MORC1: variants seen among roughly 807,000 people sequenced by gnomAD.
MORC1 encodes MORC family CW-type zinc finger 1, also known as MORC family CW-type zinc finger protein 1.
MORC1 carries 59 observed loss-of-function variants against 134.9 expected under a neutral mutation model. That is an observed-to-expected ratio of 0.44 (90% CI 0.35 to 0.54). The LOEUF is 0.54. Among genes scored for constraint, MORC1 ranks in the 20% least tolerant of loss-of-function variants. The pLI, the probability that MORC1 is intolerant of heterozygous loss-of-function variation, is 0.00. For missense variants in MORC1, 947 were observed against 1,134.5 expected (o/e 0.83, Z 2.37); for synonymous variants, 395 against 391.7 (o/e 1.01, Z -0.10).
chr3:109,038,414 T>C (rs945232753), intron 14 of MORC1, among the ~76,000 whole-genome samples: 2 of 152,198 alleles, frequency 1.3e-5, no homozygotes, highest in African/African-American at 4.8e-5. Flanking sequence ...GGTAGTTTCT[T>C]TTGCTGTGCT....
chr3:109,094,403 T>C (rs1950789105), intron 7 of MORC1, among the ~76,000 whole-genome samples: 1 of 152,156 alleles, frequency 6.6e-6, no homozygotes, highest in Non-Finnish European at 1.5e-5. Flanking sequence ...ACTGTGCCAG[T>C]AGACACAGTG....
chr3:108,981,739 A>G (rs775368359), intron 23 of MORC1, among the ~76,000 whole-genome samples: 1 of 152,214 alleles, frequency 6.6e-6, no homozygotes, highest in Non-Finnish European at 1.5e-5. Context: ...TGTTATGATC[A>G]TCTTTATCAT....
At chr3:109,027,360 C>T (rs987251310) in intron 17 of MORC1, among the ~76,000 whole-genome samples, 2 of 152,030 alleles carry the variant, frequency 1.3e-5, no homozygotes, top group African/African-American at 4.8e-5. Flanking sequence ...AACTCTTTAC[C>T]TTAAAACCCT....
rs933937110 is a variant in MORC1, at chr3:109,008,877, C to T, written c.1705-1786G>A. On this transcript the variant is annotated intron_variant, in intron 17 of 27. Coordinates refer to ENST00000232603, the MANE Select transcript of MORC1 (RefSeq NM_014429.4). ...GTTTACCTTAGTACTAAGAAGTATG[C>T]TAAAATCAAATAAATGACACCTCTT... is the stretch of plus-strand genomic sequence containing the variant. Among the ~76,000 whole-genome samples, 4 of 152,162 alleles carry T rather than the reference C, an allele frequency of 2.6e-5. No individual in the cohort carries two copies. In the South Asian group the frequency reaches 8.3e-4, roughly 32 times the overall value.
intron 24 of MORC1, among the ~76,000 whole-genome samples, chr3:108,977,639 G>A (rs970394049): frequency 3.9e-5 from 6 of 152,172 alleles, no homozygotes; most frequent in African/African-American, 1.2e-4. Flanking sequence ...ACAGGCACAT[G>A]CATATAAAAT....
chr3:109,051,400 T>C (rs1949824843), intron 14 of MORC1, among the ~76,000 whole-genome samples: 1 of 152,212 alleles, frequency 6.6e-6, no homozygotes, highest in Non-Finnish European at 1.5e-5. Context: ...TAGTCAAATA[T>C]TATATAACTT....
intron 9 of MORC1, among the ~76,000 whole-genome samples, chr3:109,068,943 G>T (rs144055253): frequency 6.6e-6 from 1 of 152,328 alleles, no homozygotes; most frequent in African/African-American, 2.4e-5. Flanking sequence ...ATCAGTTGAG[G>T]TCAGGAGTTT....
intron 8 of MORC1, among the ~76,000 whole-genome samples, chr3:109,088,191 A>C (rs1195971967): frequency 6.6e-6 from 1 of 152,180 alleles, no homozygotes; most frequent in Non-Finnish European, 1.5e-5. Context: ...CAAGATACCA[A>C]AAGCTATTAC....
At chr3:108,959,504 T>C (rs1947023093) in intron 27 of MORC1, among the ~76,000 whole-genome samples, 1 of 152,182 alleles carries the variant, frequency 6.6e-6, no homozygotes, top group Admixed American at 6.5e-5. Flanking sequence ...AGCCAAATTT[T>C]GTCTTCTTTG....
intron 21 of MORC1, among the ~76,000 whole-genome samples, chr3:108,987,762 C>T (rs985401862): frequency 1.3e-5 from 2 of 151,678 alleles, no homozygotes; most frequent in African/African-American, 4.8e-5. Flanking sequence ...TGGGAATATA[C>T]CTTAGATGAG....
chr3:109,055,752 CT>C (rs1949944108), intron 13 of MORC1, among the ~76,000 whole-genome samples: 3 of 152,172 alleles, frequency 2.0e-5, no homozygotes, highest in African/African-American at 2.4e-5. Context: ...CAGGTTCCCC[CT>C]GGCTTTGAAG....
At chr3:109,096,708 T>C (rs947827062) in intron 6 of MORC1, among the ~76,000 whole-genome samples, 2 of 152,188 alleles carry the variant, frequency 1.3e-5, no homozygotes, top group African/African-American at 4.8e-5. Flanking sequence ...GGAGTAATCA[T>C]TCTCTTATTC....
chr3:109,081,689 G>C (rs545969701), intron 8 of MORC1, among the ~76,000 whole-genome samples: 2 of 152,034 alleles, frequency 1.3e-5, no homozygotes, highest in Admixed American at 6.5e-5. Context: ...TCCTGACCTC[G>C]TGATCTGCCT....
intron 23 of MORC1, among the ~76,000 whole-genome samples, chr3:108,981,156 C>G (rs1947706924): frequency 1.3e-5 from 2 of 151,898 alleles, no homozygotes; most frequent in Non-Finnish European, 2.9e-5. Context: ...CTGGGGAGGG[C>G]AGGTAGAGGT....
In MORC1 at chr3:109,102,650, T is replaced by A. The variant is rs187336428; in HGVS notation, c.223+1199A>T. Among the ~76,000 whole-genome samples, 295 of 152,310 alleles carry A rather than the reference T, an allele frequency of 1.9e-3. 3 individuals carry two copies. The highest frequency in any genetic ancestry group is 6.8e-3 in the African/African-American group (284 of 41,582). ...TGAGTTCCTTCTGAAGGTCTGAATATCCGTCACTTGTCTGTGTTTCAAACA... is the reference window on the plus strand; with the variant it reads ...TGAGTTCCTTCTGAAGGTCTGAATAACCGTCACTTGTCTGTGTTTCAAACA... On this transcript the variant is annotated intron_variant, in intron 4 of 27. Coordinates refer to ENST00000232603, the MANE Select transcript of MORC1 (RefSeq NM_014429.4).
chr3:109,106,879 A>G (rs1951052553), intron 3 of MORC1, among the ~76,000 whole-genome samples: 2 of 152,002 alleles, frequency 1.3e-5, no homozygotes. Context: ...TCCTGCTTCA[A>G]ACCTCTCCAT....
intron 17 of MORC1, among the ~76,000 whole-genome samples, chr3:109,025,212 G>A (rs1949044924): frequency 1.3e-5 from 2 of 151,910 alleles, no homozygotes; most frequent in South Asian, 4.2e-4. Context: ...TAATTTAAGT[G>A]ACTGGTTCCA....
chr3:109,069,854 C>T, intron 8 of MORC1, 97 bp from the exon 9 acceptor site: 1 of 1,288,652 alleles, frequency 7.8e-7, no homozygotes, highest in South Asian at 2.1e-5. Flanking sequence ...ATTATTGTTA[C>T]TACAAGAAGC....
chr3:108,996,793 G>A (rs1948242790), intron 21 of MORC1, among the ~76,000 whole-genome samples: 1 of 151,728 alleles, frequency 6.6e-6, no homozygotes, highest in Non-Finnish European at 1.5e-5. Context: ...GGCGGATCAT[G>A]AGTTGAGGAG....
Sources: gnomAD v4.1 joint callset for allele counts (sites outside exome capture counted in the v4.1 genomes callset) on GRCh38, gnomAD v4.1.1 for gene constraint, MANE v1.5 for transcripts, NCBI Gene and HGNC (gene_info 2026-07-23, HGNC 2026-07-21) for gene names.